The following SMAD7 variants were observed in gnomAD, a reference collection of about 807,000 sequenced individuals.
SMAD7 encodes the protein MAD (mothers against decapentaplegic, Drosophila) homolog 7.
Under a neutral mutation model 38.7 loss-of-function variants are expected in SMAD7, and 8 were observed. That is an observed-to-expected ratio of 0.21 (90% CI 0.12 to 0.37). The LOEUF (loss-of-function observed/expected upper bound fraction) is 0.37, where lower values mean the gene tolerates loss of function less well. Among genes scored for constraint, SMAD7 ranks in the 10% least tolerant of loss-of-function variants. The pLI, the probability that SMAD7 is intolerant of heterozygous loss-of-function variation, is 1.00. For missense variants in SMAD7, 477 were observed against 577.9 expected (o/e 0.83, Z 1.79); for synonymous variants, 327 against 265.1 (o/e 1.23, Z -2.27).
At position 48,921,690 on chromosome 18, in the gene SMAD7, G is replaced by T. The variant is rs1475014890; in HGVS notation, c.963C>A (p.Ile321=). 1 of 1,613,584 alleles carries T rather than the reference G, an allele frequency of 6.2e-7. No homozygotes were observed. Among genetic ancestry groups the T allele is most frequent in the East Asian group, 2.2e-5 (1 of 44,884 alleles). Residue 321 remains isoleucine (I), a synonymous_variant, in exon 4 of 4, where the codon ATC becomes ATA. Coordinates refer to ENST00000262158, the MANE Select transcript of SMAD7 (RefSeq NM_005904.4). This position sits in a 1 kb window ranked among gnomAD's most constrained non-coding sequence, Gnocchi z 6.4. ...CACCATCCACCTCCCGCGTCAGCTG[G>T]ATGCCGCAGCCGATTTTGCTCCGCA... ...QKVRSKIGCG[I]QLTREVDGVW...
At chr18:48,948,333 C>T (rs934836306) in intron 2 of SMAD7, 51 bp downstream of exon 2, 2 of 1,324,856 alleles carry the variant, frequency 1.5e-6, no homozygotes, top group Middle Eastern at 1.8e-4. Flanking sequence ...GTTCTAGAGG[C>T]TCTATTTCTA....
At chr18:48,934,029 T>C (rs563995717) in intron 3 of SMAD7, among the ~76,000 whole-genome samples, 1 of 152,372 alleles carries the variant, frequency 6.6e-6, no homozygotes, top group Non-Finnish European at 1.5e-5. Context: ...GCCGGGGCAC[T>C]GTCCCATGCC....
chr18:48,949,686 A>G lies in SMAD7; in HGVS notation c.613+126T>C, dbSNP rs550546676. 1,754 of 1,048,548 alleles carry G rather than the reference A, an allele frequency of 1.7e-3. 3 individuals carry two copies. The highest frequency in any genetic ancestry group is 2.2e-3 in the Non-Finnish European group (1,633 of 750,460). 65.0% of individuals were successfully genotyped at this position (1,048,548 alleles called of 1,614,324 possible). A position where few individuals can be genotyped will look rare whatever the true frequency, so the allele number is the denominator to read the frequency against. ...TGCACACTCTCCCAGGAGGGTATGCACACTCTCCCAGGAGGGTATGCACAC... is the reference window on the plus strand; with the variant it reads ...TGCACACTCTCCCAGGAGGGTATGCGCACTCTCCCAGGAGGGTATGCACAC... On this transcript the variant is annotated intron_variant, in intron 1 of 3. Coordinates refer to ENST00000262158, the MANE Select transcript of SMAD7 (RefSeq NM_005904.4).
rs3082710 is a variant in SMAD7, at chr18:48,929,569, T to TCTCACACACACACACACACACACA, written c.743-7660_743-7659insTGTGTGTGTGTGTGTGTGTGTGAG. Reference sequence around the variant, plus strand: ...CTCTCTTTCTCTCTCTCTCTCTCTCTCACTCACACACACACACACACACAC... The same window carrying TCTCACACACACACACACACACACA: ...CTCTCTTTCTCTCTCTCTCTCTCTCTCTCACACACACACACACACACACACACTCACACACACACACACACACAC... On this transcript the variant is annotated intron_variant, in intron 3 of 3. Transcript: ENST00000262158. Among the ~76,000 whole-genome samples the TCTCACACACACACACACACACACA allele has an allele frequency of 2.4e-3, 272 of 114,554 alleles. 2 individuals carry two copies. The highest frequency in any genetic ancestry group is 8.1e-3 in the African/African-American group (233 of 28,894). The allele number at this position is 114,554 out of a possible 152,430, so 75.2% of individuals were successfully genotyped here.
chr18:48,937,079 G>T (rs577745661), intron 3 of SMAD7, among the ~76,000 whole-genome samples: 1 of 147,132 alleles, frequency 6.8e-6, no homozygotes, highest in African/African-American at 2.5e-5. Flanking sequence ...ACTCCATCTC[G>T]AATTAAAAAA....
Position 48,920,578 on chromosome 18 carries a change from G to A in SMAD7, c.*794C>T, listed in dbSNP as rs551491617. The stretch of plus-strand genomic sequence containing the variant: ...GAGAGGGCACTGGGTGAGCAATACT[G>A]TGAGGGGGCTGCCCCGGCAGCCCTT... On this transcript the variant is annotated 3_prime_UTR_variant, in exon 4 of 4. Transcript: ENST00000262158. 1 of 152,536 alleles carries A rather than the reference G, an allele frequency of 6.6e-6. No individual in the cohort carries two copies. The highest frequency in any genetic ancestry group is 1.5e-5 in the Non-Finnish European group (1 of 68,120). The allele number at this position is 152,536 out of a possible 1,614,324, so 9.4% of individuals were successfully genotyped here.
intron 2 of SMAD7, 198 bp from the exon 3 acceptor site, chr18:48,942,753 C>T (rs909262865): frequency 1.9e-5 from 27 of 1,430,144 alleles, no homozygotes; most frequent in Admixed American, 6.4e-5. Context: ...CCTTGTCACC[C>T]GTCTGGGCTC....
chr18:48,943,294 A>G (rs4245230), intron 2 of SMAD7, among the ~76,000 whole-genome samples: 97,352 of 152,006 alleles, frequency 0.64, 33,368 homozygotes, highest in African/African-American at 0.9. Context: ...CCTATAAAAC[A>G]TTTGGCACCC....
At chr18:48,946,065 C>T (rs959893902) in intron 2 of SMAD7, among the ~76,000 whole-genome samples, 3 of 152,170 alleles carry the variant, frequency 2.0e-5, no homozygotes, top group Non-Finnish European at 2.9e-5. Context: ...AATGGAGTTC[C>T]TAGCTTTGAG....
intron 1 of SMAD7, chr18:48,949,264 A>G (rs1275179137): frequency 3.0e-6 from 3 of 984,944 alleles, no homozygotes; most frequent in African/African-American, 1.7e-5. Flanking sequence ...CTTTGCCCCA[A>G]AACTCCAAAG....
rs546375055 is a variant in SMAD7, at chr18:48,930,469, A to T, written c.743-8559T>A. 2.6e-5 allele frequency among the ~76,000 whole-genome samples: 4 copies of T among 152,292 alleles called. No individual in the cohort carries two copies. The East Asian group carries it at 7.7e-4, about 29-fold the overall frequency. ...CTGCTGTCACAAGGCCCTGGAGTCC[A>T]ACATACACGGCCAGCTGCTCTGTGC... On this transcript the variant is annotated intron_variant, in intron 3 of 3. Coordinates refer to ENST00000262158, the MANE Select transcript of SMAD7 (RefSeq NM_005904.4).
At chr18:48,922,409 G>C (rs1474854539) in intron 3 of SMAD7, among the ~76,000 whole-genome samples, 1 of 152,118 alleles carries the variant, frequency 6.6e-6, no homozygotes, top group South Asian at 2.1e-4. Context: ...GACACAGCCA[G>C]AGCTAGAACC....
intron 3 of SMAD7, among the ~76,000 whole-genome samples, chr18:48,929,569 T>TCTCACA (rs3082710): frequency 1.1e-4 from 13 of 114,624 alleles, no homozygotes; most frequent in Admixed American, 2.7e-4. Flanking sequence ...TCTCTCTCTC[T>TCTCACA]CACTCACACA....
chr18:48,922,500 T>C (rs2069874021), intron 3 of SMAD7, among the ~76,000 whole-genome samples: 1 of 101,496 alleles, frequency 9.9e-6, no homozygotes, highest in South Asian at 4.5e-4. Flanking sequence ...GCCGTGGTCA[T>C]GAGGAACCTA....
intron 2 of SMAD7, chr18:48,942,892 C>G: frequency 2.9e-6 from 2 of 699,518 alleles, no homozygotes; most frequent in Non-Finnish European, 3.8e-6. Context: ...GTTGGACTTT[C>G]TCAACCCTGG....
In SMAD7 at chr18:48,921,759, G is replaced by C. The variant is rs3809922; in HGVS notation, c.894C>G (p.Leu298=). ...TCTTGTTGTCCGAATTGAGCTGTCC[G>C]AGGCAAAAGCCATTCCCCTGAGGTA... The part of the protein sequence containing the change: ...YDLPQGNGFC[L]GQLNSDNKSQ... The change falls in exon 4 of 4, where the codon CTC becomes CTG. Residue 298 remains leucine (L), a synonymous_variant. Coordinates refer to ENST00000262158, the MANE Select transcript of SMAD7 (RefSeq NM_005904.4). This position sits in a 1 kb window ranked among gnomAD's most constrained non-coding sequence, Gnocchi z 6.4. 1.5e-5 allele frequency: 24 copies of C among 1,614,104 alleles called. No homozygotes were observed. The highest frequency in any genetic ancestry group is 3.3e-5 in the South Asian group (3 of 91,084).
chr18:48,940,287 C>T (rs1269020880), intron 3 of SMAD7, among the ~76,000 whole-genome samples: 1 of 152,266 alleles, frequency 6.6e-6, no homozygotes, highest in Non-Finnish European at 1.5e-5. Context: ...GCCCCCTCTT[C>T]TCTCTGCAGT....
rs1230376238 is a variant in SMAD7 at position 48,940,615 on chromosome 18, A to T, written c.742+1866T>A. On this transcript the variant is annotated intron_variant, in intron 3 of 3. Transcript: ENST00000262158. ...AAAATACAAAAAATTAGCTGGGCAC[A>T]GTGGTGGATGCCTGTAATCCCAGCT... Among the ~76,000 whole-genome samples, 11 of 152,246 alleles carry T rather than the reference A, an allele frequency of 7.2e-5. No individual in the cohort carries two copies. The South Asian group carries it at 2.3e-3, about 32-fold the overall frequency.
intron 3 of SMAD7, among the ~76,000 whole-genome samples, chr18:48,933,153 T>C (rs2070022812): frequency 6.6e-6 from 1 of 152,142 alleles, no homozygotes; most frequent in Non-Finnish European, 1.5e-5. Context: ...CCACAAGCTT[T>C]GCTTTATCTC....
Sources: allele counts gnomAD v4.1 joint callset (sites outside exome capture counted in the v4.1 genomes callset), GRCh38; gene constraint gnomAD v4.1.1; non-coding constraint Gnocchi (gnomAD v3.1); transcripts MANE v1.5; gene names NCBI Gene and HGNC (gene_info 2026-07-23, HGNC 2026-07-21).